Variants in FOXP1 observed in about 807,000 individuals in gnomAD.
The protein encoded by FOXP1 is forkhead box P1.
Under a neutral mutation model 98.2 loss-of-function variants are expected in FOXP1, and 15 were observed. That is an observed-to-expected ratio of 0.15 (90% CI 0.10 to 0.24). The LOEUF is 0.24. Ranked by LOEUF, FOXP1 falls within the 10% of genes least tolerant of loss-of-function variation. FOXP1 has a pLI of 1.00. For missense variants in FOXP1, 633 were observed against 848.5 expected (o/e 0.75, Z 3.15); for synonymous variants, 371 against 314.5 (o/e 1.18, Z -1.90).
intron 6 of FOXP1, among the ~76,000 whole-genome samples, chr3:71,173,293 TCTC>T (rs1184411326): frequency 3.3e-5 from 5 of 151,644 alleles, no homozygotes; most frequent in African/African-American, 7.3e-5. Flanking sequence ...TCCATTCTCT[TCTC>T]CTCACCATCA....
At chr3:71,186,682 G>T (rs957209721) in intron 6 of FOXP1, among the ~76,000 whole-genome samples, 2 of 152,220 alleles carry the variant, frequency 1.3e-5, no homozygotes, top group Non-Finnish European at 2.9e-5. Flanking sequence ...CTGTACTCCA[G>T]CCTGGCAACA....
At chr3:71,574,882 C>G (rs890245526) in intron 2 of FOXP1, among the ~76,000 whole-genome samples, 1 of 152,174 alleles carries the variant, frequency 6.6e-6, no homozygotes, top group East Asian at 1.9e-4. Context: ...CTCTGTTTCT[C>G]TAAGTCTCCA....
At chr3:70,975,511 A>G (rs1220607661) in intron 17 of FOXP1, among the ~76,000 whole-genome samples, 1 of 152,232 alleles carries the variant, frequency 6.6e-6, no homozygotes, top group African/African-American at 2.4e-5. Flanking sequence ...AACAGAGGAA[A>G]TGTATTTTTC....
At chr3:71,104,339 A>G (rs909551318) in intron 7 of FOXP1, among the ~76,000 whole-genome samples, 2 of 152,172 alleles carry the variant, frequency 1.3e-5, no homozygotes, top group African/African-American at 4.8e-5. Flanking sequence ...AAGGCAACCA[A>G]TAGGCTTGAT....
intron 2 of FOXP1, among the ~76,000 whole-genome samples, chr3:71,580,359 T>G (rs928171733): frequency 1.3e-5 from 2 of 151,600 alleles, no homozygotes; most frequent in African/African-American, 2.4e-5. Flanking sequence ...ATATTTTTCT[T>G]GCTCTTTAAT....
chr3:71,487,468 C>T (rs182601700), intron 3 of FOXP1, among the ~76,000 whole-genome samples: 58 of 152,286 alleles, frequency 3.8e-4, no homozygotes, highest in African/African-American at 1.3e-3. Context: ...TCAAAAGCCC[C>T]GGCCTTATAC....
chr3:71,216,479 C>T (rs1371671745), intron 5 of FOXP1, among the ~76,000 whole-genome samples: 3 of 152,132 alleles, frequency 2.0e-5, no homozygotes, highest in East Asian at 1.9e-4. Context: ...GCTGGGGCAG[C>T]TGCAACGTGC....
chr3:71,514,519 T>C (rs1207783443), intron 2 of FOXP1, among the ~76,000 whole-genome samples: 1 of 152,224 alleles, frequency 6.6e-6, no homozygotes, highest in Non-Finnish European at 1.5e-5. Flanking sequence ...CATTGATTTA[T>C]CCCACATGCC....
chr3:70,968,676 G>A (rs966822832), intron 19 of FOXP1: 2 of 152,016 alleles, frequency 1.3e-5, no homozygotes, highest in African/African-American at 2.4e-5. Context: ...TTTCTGTAGT[G>A]GATTCTGCTG....
At chr3:71,279,022 T>C (rs935897910) in intron 5 of FOXP1, among the ~76,000 whole-genome samples, 2 of 151,538 alleles carry the variant, frequency 1.3e-5, no homozygotes, top group African/African-American at 4.8e-5. Flanking sequence ...CGAAACTGTG[T>C]CTTCTACTAA....
At chr3:71,215,867 A>C (rs1329225575) in intron 5 of FOXP1, among the ~76,000 whole-genome samples, 1 of 152,200 alleles carries the variant, frequency 6.6e-6, no homozygotes, top group Non-Finnish European at 1.5e-5. Context: ...GCCCTGTTCA[A>C]AGCAGTCTTT....
At chr3:71,179,572 T>C (rs2062163291) in intron 6 of FOXP1, among the ~76,000 whole-genome samples, 1 of 152,156 alleles carries the variant, frequency 6.6e-6, no homozygotes, top group South Asian at 2.1e-4. Flanking sequence ...AAATGTGAAA[T>C]TAAAATTAAG....
Position 71,232,963 on chromosome 3 carries a change from G to GACT in FOXP1, c.-11-34574_-11-34572dup, listed in dbSNP as rs1024408015. The stretch of plus-strand genomic sequence containing the variant: ...CTACTACCACCACCACCACCACCAC[G>GACT]ACTACTACTACTACTACTACTAATA... On this transcript the variant is annotated intron_variant, in intron 5 of 20. Coordinates refer to ENST00000649528, the MANE Select transcript of FOXP1 (RefSeq NM_001349338.3). Among the ~76,000 whole-genome samples, 84 of 142,352 alleles carry GACT rather than the reference G, an allele frequency of 5.9e-4. 1 individual carries two copies. The highest frequency in any genetic ancestry group is 8.5e-4 in the Non-Finnish European group (56 of 66,222). 93.4% of individuals were successfully genotyped at this position (142,352 alleles called of 152,430 possible).
chr3:70,995,636 TC>T (rs751868847), intron 13 of FOXP1, among the ~76,000 whole-genome samples: 7 of 152,190 alleles, frequency 4.6e-5, no homozygotes, highest in Non-Finnish European at 8.8e-5. Flanking sequence ...CACTTTTAGA[TC>T]CCAGTTAATA....
intron 2 of FOXP1, among the ~76,000 whole-genome samples, chr3:71,507,570 G>C (rs2041915251): frequency 6.6e-6 from 1 of 151,496 alleles, no homozygotes; most frequent in Non-Finnish European, 1.5e-5. Context: ...TGAATGATAT[G>C]TTGCAAAACT....
intron 7 of FOXP1, among the ~76,000 whole-genome samples, chr3:71,090,729 A>C (rs1471700454): frequency 1.3e-5 from 2 of 152,182 alleles, no homozygotes; most frequent in East Asian, 3.8e-4. Flanking sequence ...CAGCAGTTGC[A>C]CTGCCATTAC....
chr3:71,059,869 A>C (rs1359301544), intron 7 of FOXP1, among the ~76,000 whole-genome samples: 1 of 152,176 alleles, frequency 6.6e-6, no homozygotes, highest in African/African-American at 2.4e-5. Context: ...CTTAAATTGA[A>C]GTATTACTCA....
chr3:71,575,696 T>C (rs973347388), intron 2 of FOXP1, among the ~76,000 whole-genome samples: 4 of 152,236 alleles, frequency 2.6e-5, no homozygotes, highest in African/African-American at 9.6e-5. Context: ...CTGCGGTCAC[T>C]GTCCTGAGAG....
chr3:70,971,977 G>GA (rs368010894), intron 18 of FOXP1: 83,501 of 872,424 alleles, frequency 0.096, no homozygotes, highest in South Asian at 0.11. Flanking sequence ...AGCAACAGCA[G>GA]AAAAAAAAAA....
Sources: gnomAD v4.1 joint callset for allele counts (sites outside exome capture counted in the v4.1 genomes callset) on GRCh38, gnomAD v4.1.1 for gene constraint, MANE v1.5 for transcripts, NCBI Gene and HGNC (gene_info 2026-07-23, HGNC 2026-07-21) for gene names.